The following FRMD5 variants were observed in gnomAD, a reference collection of about 807,000 sequenced individuals.
FRMD5 encodes the protein FERM domain-containing protein 5.
FRMD5 carries 20 observed loss-of-function variants against 69.0 expected under a neutral mutation model. The ratio of observed to expected loss-of-function variants is 0.29; its 90% CI spans 0.20 to 0.42. The LOEUF (loss-of-function observed/expected upper bound fraction) is 0.42. Among genes scored for constraint, FRMD5 ranks in the 10% least tolerant of loss-of-function variants. The probability of loss-of-function intolerance (pLI) is 1.00; values close to 1 mark genes in which losing one functional copy is unlikely to be tolerated. For synonymous variants in FRMD5, 271 were observed against 260.1 expected (o/e 1.04, Z -0.40); for missense variants, 595 against 708.6 (o/e 0.84, Z 1.82).
intron 1 of FRMD5, chr15:43,989,136 G>A (rs1889542025): frequency 9.1e-6 from 9 of 987,306 alleles, no homozygotes; most frequent in Admixed American, 1.7e-5. Flanking sequence ...TCTGCTGGAC[G>A]GTGGACAGCC....
chr15:44,063,706 A>G, intron 1 of FRMD5: 1 of 339,832 alleles, frequency 2.9e-6, no homozygotes, highest in Non-Finnish European at 5.7e-6. Context: ...TGAGAATGGG[A>G]AACTTGTCAT....
At chr15:44,115,708 G>A (rs2076858746) in intron 1 of FRMD5, among the ~76,000 whole-genome samples, 1 of 152,168 alleles carries the variant, frequency 6.6e-6, no homozygotes, top group South Asian at 2.1e-4. Context: ...GCAGATCACA[G>A]ATTTTGAGGA....
At chr15:43,961,768 G>A (rs558836762) in intron 1 of FRMD5, among the ~76,000 whole-genome samples, 156 of 152,222 alleles carry the variant, frequency 1.0e-3, no homozygotes, top group African/African-American at 3.6e-3. Context: ...ATCAATAAAC[G>A]TAATCCAGCA....
intron 7 of FRMD5, among the ~76,000 whole-genome samples, chr15:43,900,215 G>A (rs1356329539): frequency 6.6e-6 from 1 of 152,170 alleles, no homozygotes; most frequent in Admixed American, 6.5e-5. Context: ...ACAGGGGATG[G>A]GAACCGGAGC....
At chr15:44,163,442 A>G (rs761510242) in intron 1 of FRMD5, among the ~76,000 whole-genome samples, 12 of 152,198 alleles carry the variant, frequency 7.9e-5, no homozygotes, top group Non-Finnish European at 1.3e-4. Context: ...TGAACGACTG[A>G]GTGGATAAAT....
chr15:43,997,756 TATAGAAAAATCAGAATGATC>T (rs1309079831), intron 1 of FRMD5, among the ~76,000 whole-genome samples: 1 of 152,174 alleles, frequency 6.6e-6, no homozygotes, highest in East Asian at 1.9e-4. Context: ...CTCTACTCTT[TATAGAAAAATCAGAATGATC>T]ATGCACGCCA....
chr15:44,151,758 A>T (rs1240269320), intron 1 of FRMD5, among the ~76,000 whole-genome samples: 1 of 152,212 alleles, frequency 6.6e-6, no homozygotes, highest in Non-Finnish European at 1.5e-5. Context: ...GGACTTCATG[A>T]AAATTATAAA....
intron 1 of FRMD5, among the ~76,000 whole-genome samples, chr15:44,051,002 C>T (rs1221272217): frequency 6.6e-6 from 1 of 151,662 alleles, no homozygotes; most frequent in Non-Finnish European, 1.5e-5. Flanking sequence ...CTAAATCTAC[C>T]CCAAATGGGC....
At chr15:44,162,190 T>C (rs2077627125) in intron 1 of FRMD5, among the ~76,000 whole-genome samples, 1 of 151,590 alleles carries the variant, frequency 6.6e-6, no homozygotes, top group African/African-American at 2.4e-5. Flanking sequence ...GGTCTCAAAC[T>C]CCTGACCTTG....
chr15:43,930,284 G>C lies in FRMD5; in HGVS notation c.103-5975C>G, dbSNP rs1455449516. 1.4e-4 allele frequency among the ~76,000 whole-genome samples: 22 copies of C among 152,350 alleles called. 1 individual carries two copies. Among genetic ancestry groups the C allele is most frequent in the Admixed American group, 1.4e-3 (22 of 15,310 alleles). ...CCAGCTCACTCTGGGAGAAGATTAA[G>C]AAAGCTCATTCCAGGGGGAAATGCA... On this transcript the variant is annotated intron_variant, in intron 1 of 13. Transcript: ENST00000417257.
At chr15:43,877,885 A>G (rs2088408442) in intron 13 of FRMD5, among the ~76,000 whole-genome samples, 1 of 152,238 alleles carries the variant, frequency 6.6e-6, no homozygotes, top group East Asian at 1.9e-4. Context: ...GATCCTGCTG[A>G]TCATATCTAT....
At chr15:43,949,573 AC>A (rs900616395) in intron 1 of FRMD5, among the ~76,000 whole-genome samples, 36 of 152,294 alleles carry the variant, frequency 2.4e-4, no homozygotes, top group African/African-American at 7.5e-4. Context: ...GGTAGCAACT[AC>A]AGGATGAGAT....
chr15:44,078,728 C>T (rs1893876373), intron 1 of FRMD5, among the ~76,000 whole-genome samples: 1 of 152,018 alleles, frequency 6.6e-6, no homozygotes, highest in Admixed American at 6.6e-5. Flanking sequence ...TTGGGATATC[C>T]ACATGCAAAA....
At chr15:43,889,719 A>T (rs955377629) in intron 8 of FRMD5, among the ~76,000 whole-genome samples, 3 of 152,166 alleles carry the variant, frequency 2.0e-5, no homozygotes, top group African/African-American at 7.2e-5. Flanking sequence ...GAGCCATGGA[A>T]CTAGGCCTCA....
chr15:43,960,222 G>A (rs981811074), intron 1 of FRMD5, among the ~76,000 whole-genome samples: 1 of 152,138 alleles, frequency 6.6e-6, no homozygotes, highest in Non-Finnish European at 1.5e-5. Context: ...CCAAGTAGCT[G>A]GGACTACAGG....
intron 1 of FRMD5, chr15:43,989,381 T>C (rs1030774922): frequency 1.5e-5 from 12 of 785,392 alleles, no homozygotes; most frequent in Admixed American, 1.4e-4. Context: ...CGGGATTCCA[T>C]GCCCAGGAAG....
At chr15:44,154,065 T>C (rs2077488649) in intron 1 of FRMD5, among the ~76,000 whole-genome samples, 1 of 152,184 alleles carries the variant, frequency 6.6e-6, no homozygotes. Context: ...CTCACACCCG[T>C]AGTCCTAGCA....
chr15:43,993,874 T>C (rs1266477172), intron 1 of FRMD5, among the ~76,000 whole-genome samples: 1 of 152,230 alleles, frequency 6.6e-6, no homozygotes, highest in East Asian at 1.9e-4. Flanking sequence ...AAGTCTATTT[T>C]ATCTGACATA....
chr15:44,198,326 CAA>C (rs35320478), upstream of FRMD5, among the ~76,000 whole-genome samples: 21 of 96,578 alleles, frequency 2.2e-4, no homozygotes, highest in Non-Finnish European at 2.8e-4. Flanking sequence ...GATCCTGTCT[CAA>C]AAAAAAAAAA....
Sources: allele counts gnomAD v4.1 joint callset (sites outside exome capture counted in the v4.1 genomes callset), GRCh38; gene constraint gnomAD v4.1.1; transcripts MANE v1.5; gene names NCBI Gene and HGNC (gene_info 2026-07-23, HGNC 2026-07-21).